The following RBFOX1 variants were observed in gnomAD, a reference collection of about 807,000 sequenced individuals.
RBFOX1 encodes RNA binding fox-1 homolog 1.
A neutral mutation model predicts 57.7 loss-of-function variants in RBFOX1; 8 were observed. The observed-to-expected ratio is 0.14, with a 90% CI of 0.08 to 0.25. The LOEUF (loss-of-function observed/expected upper bound fraction) is 0.25. RBFOX1 is among the 10% of genes least tolerant of loss of function. RBFOX1 has a pLI of 1.00. For missense variants in RBFOX1, 611 were observed against 548.5 expected, an observed-to-expected ratio of 1.11 and a Z score of -1.14; for synonymous variants, 326 against 222.4, an observed-to-expected ratio of 1.47 and a Z score of -4.15.
chr16:5,449,177 C>A (rs772876472), intron 1 of RBFOX1, among the ~76,000 whole-genome samples: 30 of 152,278 alleles, frequency 2.0e-4, no homozygotes, highest in Non-Finnish European at 1.9e-4. Context: ...TGCCCAAAGC[C>A]CCACTCCCGA....
Position 6,010,134 on chromosome 16 carries a change from C to T in RBFOX1, c.351+142799C>T, listed in dbSNP as rs144114086. Among the ~76,000 whole-genome samples, 462 of 152,226 alleles carry T rather than the reference C, an allele frequency of 3.0e-3. 5 individuals carry two copies. Among genetic ancestry groups the T allele is most frequent in the African/African-American group, 0.011 (440 of 41,506 alleles). The stretch of plus-strand genomic sequence containing the variant: ...GAGGGTGCTGTGTTGCCCCACACCT[C>T]GTATCCCCAGGTGTTTTCTGCTAAC... On this transcript the variant is annotated intron_variant, in intron 4 of 19. Transcript: ENST00000641259.
chr16:7,491,385 T>C (rs1039062714), intron 4 of RBFOX1, among the ~76,000 whole-genome samples: 1 of 149,830 alleles, frequency 6.7e-6, no homozygotes, highest in Non-Finnish European at 1.5e-5. Flanking sequence ...TGCTTTAAGA[T>C]TCAGTCTGCT....
chr16:6,805,289 C>CA (rs1265670073), intron 3 of RBFOX1, among the ~76,000 whole-genome samples: 3 of 151,926 alleles, frequency 2.0e-5, no homozygotes, highest in South Asian at 2.1e-4. Flanking sequence ...ATGACAGGAA[C>CA]AAAAAAACAA....
intron 10 of RBFOX1, chr16:7,614,768 C>G (rs1051939276): frequency 1.3e-5 from 2 of 152,196 alleles, no homozygotes; most frequent in African/African-American, 4.8e-5. Context: ...GGTACTTGCT[C>G]TGTGCTGAAC....
intron 1 of RBFOX1, among the ~76,000 whole-genome samples, chr16:6,114,246 G>GT (rs1368738974): frequency 6.6e-6 from 1 of 152,156 alleles, no homozygotes. Context: ...GCAATTAAGA[G>GT]TGATCTCTCA....
At chr16:6,467,245 A>G (rs1196704248) in intron 2 of RBFOX1, among the ~76,000 whole-genome samples, 1 of 151,596 alleles carries the variant, frequency 6.6e-6, no homozygotes, top group Non-Finnish European at 1.5e-5. Flanking sequence ...TATATTAATT[A>G]CAGTTAATGT....
chr16:7,283,475 T>C (rs2095588734), intron 4 of RBFOX1, among the ~76,000 whole-genome samples: 1 of 151,964 alleles, frequency 6.6e-6, no homozygotes, highest in Non-Finnish European at 1.5e-5. Flanking sequence ...GGAGTATGAA[T>C]TTGCTAAGAA....
chr16:5,329,664 G>C (rs966149165), intron 1 of RBFOX1, among the ~76,000 whole-genome samples: 1 of 152,210 alleles, frequency 6.6e-6, no homozygotes, highest in Non-Finnish European at 1.5e-5. Flanking sequence ...ATAAACAATA[G>C]AAATTCATTT....
At chr16:6,490,340 G>C (rs75171838) in intron 2 of RBFOX1, among the ~76,000 whole-genome samples, 18,313 of 152,216 alleles carry the variant, frequency 0.12, 1,988 homozygotes, top group East Asian at 0.43. Context: ...AACTTCAGTT[G>C]AATAAATGAG....
At chr16:5,850,964 G>C (rs138066851) in intron 3 of RBFOX1, among the ~76,000 whole-genome samples, 3 of 152,192 alleles carry the variant, frequency 2.0e-5, no homozygotes, top group African/African-American at 7.2e-5. Flanking sequence ...TGCGTTCCCG[G>C]AGGCTCATGC....
chr16:6,018,277 G>A (rs2095011827), upstream of RBFOX1, among the ~76,000 whole-genome samples: 2 of 152,060 alleles, frequency 1.3e-5, no homozygotes, highest in Non-Finnish European at 2.9e-5. Context: ...TCCAGAGTGG[G>A]ACCCAGGAAG....
At chr16:6,338,583 A>G (rs1294943687) in intron 2 of RBFOX1, among the ~76,000 whole-genome samples, 1 of 152,228 alleles carries the variant, frequency 6.6e-6, no homozygotes, top group African/African-American at 2.4e-5. Flanking sequence ...TGGTCACTGG[A>G]TGAAATCTAA....
intron 4 of RBFOX1, among the ~76,000 whole-genome samples, chr16:5,907,721 T>TATC (rs34447124): frequency 0.062 from 9,047 of 146,116 alleles, 530 homozygotes; most frequent in African/African-American, 0.16. Context: ...GGAGACTATT[T>TATC]ATCATCATCA....
chr16:7,022,632 C>T (rs1158188291), intron 3 of RBFOX1, among the ~76,000 whole-genome samples: 2 of 152,030 alleles, frequency 1.3e-5, no homozygotes, highest in Non-Finnish European at 2.9e-5. Flanking sequence ...GCAGTAGGCT[C>T]TGGATATATT....
chr16:5,591,930 G>A (rs2047021319), intron 2 of RBFOX1, among the ~76,000 whole-genome samples: 1 of 152,134 alleles, frequency 6.6e-6, no homozygotes, highest in Non-Finnish European at 1.5e-5. Flanking sequence ...TTAAAATGTT[G>A]GCCAATGTAT....
intron 3 of RBFOX1, among the ~76,000 whole-genome samples, chr16:5,666,017 A>C (rs1456704074): frequency 6.6e-6 from 1 of 152,186 alleles, no homozygotes; most frequent in African/African-American, 2.4e-5. Context: ...CACCCACTCA[A>C]ACCAGTCAGA....
chr16:7,699,093 C>T (rs144591711), intron 14 of RBFOX1, among the ~76,000 whole-genome samples: 91 of 152,210 alleles, frequency 6.0e-4, no homozygotes, highest in African/African-American at 1.7e-3. Flanking sequence ...TTCATAAGTC[C>T]GGAGAGGGAG....
At chr16:7,486,804 A>G (rs905464927) in intron 4 of RBFOX1, among the ~76,000 whole-genome samples, 3 of 152,308 alleles carry the variant, frequency 2.0e-5, no homozygotes, top group Middle Eastern at 3.4e-3. Context: ...CAGGGTTCCA[A>G]CATTGCCTGC....
At chr16:5,533,706 G>A (rs1398251279) in intron 2 of RBFOX1, among the ~76,000 whole-genome samples, 5 of 152,294 alleles carry the variant, frequency 3.3e-5, no homozygotes, top group African/African-American at 7.2e-5. Flanking sequence ...AGTCAGCCTT[G>A]TAAAATGACC....
Sources: allele counts gnomAD v4.1 joint callset (sites outside exome capture counted in the v4.1 genomes callset), GRCh38; gene constraint gnomAD v4.1.1; transcripts MANE v1.5; gene names NCBI Gene and HGNC (gene_info 2026-07-23, HGNC 2026-07-21).